Variants in USH2A observed in about 807,000 individuals in gnomAD.
The protein encoded by USH2A is Usher syndrome 2A (autosomal recessive, mild).
A neutral mutation model predicts 538.9 loss-of-function variants in USH2A; 443 were observed. The ratio of observed to expected loss-of-function variants is 0.82; its 90% CI spans 0.76 to 0.89. USH2A has a LOEUF of 0.89. USH2A is among the 40% of genes least tolerant of loss of function. USH2A has a pLI of 0.00. For synonymous variants in USH2A, 2,413 were observed against 2,273.5 expected (o/e 1.06, Z -1.75); for missense variants, 6,633 against 6,324.8 (o/e 1.05, Z -1.65).
intron 11 of USH2A, among the ~76,000 whole-genome samples, chr1:216,274,270 A>G (rs1466840853): frequency 6.6e-6 from 1 of 152,110 alleles, no homozygotes; most frequent in African/African-American, 2.4e-5. Context: ...TTATACCTCT[A>G]AACATCTGAA....
chr1:216,401,664 A>T (rs1281329229), intron 3 of USH2A, among the ~76,000 whole-genome samples: 1 of 152,096 alleles, frequency 6.6e-6, no homozygotes, highest in Non-Finnish European at 1.5e-5. Flanking sequence ...ACTATCAAAT[A>T]GCATAGATTT....
intron 9 of USH2A, among the ~76,000 whole-genome samples, chr1:216,299,119 G>C (rs1207336435): frequency 6.6e-6 from 1 of 152,122 alleles, no homozygotes; most frequent in East Asian, 1.9e-4. Context: ...TAGGTTTACA[G>C]GCGTGAGCCA....
intron 67 of USH2A, 114 bp from the exon 68 acceptor site, chr1:215,640,848 A>G: frequency 1.2e-6 from 1 of 854,146 alleles, no homozygotes; most frequent in Non-Finnish European, 1.7e-6. Context: ...TCCAAACAAA[A>G]AAAAAAAAAA....
chr1:215,847,661 GA>G (rs1035036074), intron 44 of USH2A, among the ~76,000 whole-genome samples: 4 of 150,334 alleles, frequency 2.7e-5, no homozygotes, highest in Admixed American at 6.6e-5. Flanking sequence ...AAAAAAAAAA[GA>G]AAAAAAGTTA....
chr1:216,155,206 A>G (rs540700390), intron 21 of USH2A, among the ~76,000 whole-genome samples: 30 of 152,122 alleles, frequency 2.0e-4, no homozygotes, highest in Non-Finnish European at 3.5e-4. Context: ...ATCCCTCCCT[A>G]AAACTAACCT....
At position 215,900,902 on chromosome 1, in the gene USH2A, G is replaced by A. The variant is rs770026456; in HGVS notation, c.7304C>T (p.Pro2435Leu). Reference protein sequence around the residue: ...PITIAMPPGAPDGVLPPRLSS... With the variant: ...PITIAMPPGALDGVLPPRLSS... Reference sequence around the variant, plus strand: ...AAGCCTGGGAGGCAGCACGCCATCTGGAGCTGTCGAAAAACACAGATGAAT... The same window carrying A: ...AAGCCTGGGAGGCAGCACGCCATCTAGAGCTGTCGAAAAACACAGATGAAT... Residue 2435 changes from proline to leucine, a missense_variant, in exon 39 of 72, where the codon CCA becomes CTA. Transcript: ENST00000307340. 1 of 1,613,392 alleles carries A rather than the reference G, an allele frequency of 6.2e-7. No individual in the cohort carries two copies. The highest frequency in any genetic ancestry group is 1.1e-5 in the South Asian group (1 of 91,074).
At chr1:215,965,229 A>G in intron 37 of USH2A, 88 bp downstream of exon 37, 1 of 1,434,972 alleles carries the variant, frequency 7.0e-7, no homozygotes, top group Non-Finnish European at 9.6e-7. Flanking sequence ...TGTGGCTAAA[A>G]GAAAGATTTT....
intron 11 of USH2A, among the ~76,000 whole-genome samples, chr1:216,252,559 TAGAG>T (rs2036184231): frequency 6.6e-6 from 1 of 152,226 alleles, no homozygotes; most frequent in Admixed American, 6.5e-5. Flanking sequence ...ATCCAAGAAA[TAGAG>T]ACTCACTGGA....
rs2037684727 is a variant in USH2A at position 216,324,316 on chromosome 1, G to A, written c.1180C>T (p.Pro394Ser). ...TTCCTTTGAATCCTTATTTCCGTTG[G>A]TTGTGGACTAAAGAACTGAATGATA... is the stretch of plus-strand genomic sequence containing the variant. Reference protein sequence around the residue: ...YIIIQFFSPQPTEIRIQRKKE... With the variant: ...YIIIQFFSPQSTEIRIQRKKE... The change falls in exon 7 of 72, where the codon CCA becomes TCA. Residue 394 changes from proline to serine, a missense_variant. Pro to Ser is a moderately conservative substitution (Grantham distance 74, BLOSUM62 -1). Transcript: ENST00000307340. The A allele has an allele frequency of 6.2e-7, 1 of 1,612,506 alleles. No homozygotes were observed. Among genetic ancestry groups the A allele is most frequent in the South Asian group, 1.1e-5 (1 of 90,976 alleles).
chr1:216,152,907 C>G (rs1322979560), intron 21 of USH2A, among the ~76,000 whole-genome samples: 1 of 152,186 alleles, frequency 6.6e-6, no homozygotes, highest in African/African-American at 2.4e-5. Flanking sequence ...AAACCCCAGG[C>G]TCCATGAGCA....
intron 30 of USH2A, among the ~76,000 whole-genome samples, chr1:216,055,137 T>C (rs1464028188): frequency 6.6e-6 from 1 of 152,156 alleles, no homozygotes; most frequent in Non-Finnish European, 1.5e-5. Flanking sequence ...GGCCAGTAAT[T>C]AGGAGCAGTC....
intron 4 of USH2A, among the ~76,000 whole-genome samples, chr1:216,355,383 G>GAAAGAAAGAAACAAAC (rs879931965): frequency 2.7e-5 from 4 of 148,422 alleles, no homozygotes; most frequent in African/African-American, 7.5e-5. Context: ...AAGAAGGAAA[G>GAAAGAAAGAAACAAAC]AAACATATAG....
At chr1:215,721,667 T>A (rs1317321745) in intron 61 of USH2A, among the ~76,000 whole-genome samples, 4 of 152,114 alleles carry the variant, frequency 2.6e-5, no homozygotes. Flanking sequence ...AATACATATT[T>A]GTCTGAAAGT....
At chr1:216,056,610 A>G (rs1000706177) in intron 30 of USH2A, among the ~76,000 whole-genome samples, 33 of 152,206 alleles carry the variant, frequency 2.2e-4, no homozygotes, top group Non-Finnish European at 1.3e-4. Context: ...TTACTATAAA[A>G]TATCTTATTT....
chr1:215,865,347 G>A (rs1459920388), intron 44 of USH2A, among the ~76,000 whole-genome samples: 2 of 152,124 alleles, frequency 1.3e-5, no homozygotes, highest in Admixed American at 6.5e-5. Context: ...AGATTACCAA[G>A]GTAATGAAAC....
chr1:216,013,871 A>G (rs531594108), intron 32 of USH2A, among the ~76,000 whole-genome samples: 27 of 152,288 alleles, frequency 1.8e-4, no homozygotes, highest in Non-Finnish European at 2.1e-4. Flanking sequence ...CTCACATGAA[A>G]GTCACTACAA....
At chr1:215,839,369 C>T (rs747607424) in intron 46 of USH2A, among the ~76,000 whole-genome samples, 4 of 152,012 alleles carry the variant, frequency 2.6e-5, no homozygotes, top group Admixed American at 6.6e-5. Context: ...TGGATATATG[C>T]ACAAATAATC....
chr1:216,174,128 A>G, intron 21 of USH2A: 1 of 985,326 alleles, frequency 1.0e-6, no homozygotes, highest in Non-Finnish European at 1.2e-6. Flanking sequence ...GCCAGTCTCA[A>G]TGAAAAGCAA....
In USH2A at chr1:215,725,235, C is replaced by T. The variant is rs920499958; in HGVS notation, c.12066+2795G>A. 2.0e-5 allele frequency among the ~76,000 whole-genome samples: 3 copies of T among 152,286 alleles called. No individual in the cohort carries two copies. In the East Asian group the frequency reaches 5.8e-4, roughly 29 times the overall value. On this transcript the variant is annotated intron_variant, in intron 61 of 71. Transcript: ENST00000307340. ...ATGTTGGCCAGGCTGGTCTGGAACT[C>T]CTGACCTTGTGATCTGCCCGCCTCA... is the stretch of plus-strand genomic sequence containing the variant.
Sources: allele counts gnomAD v4.1 joint callset (sites outside exome capture counted in the v4.1 genomes callset), GRCh38; gene constraint gnomAD v4.1.1; transcripts MANE v1.5; gene names NCBI Gene and HGNC (gene_info 2026-07-23, HGNC 2026-07-21).